NTRK2: variants seen among roughly 807,000 people sequenced by gnomAD.
NTRK2 encodes BDNF/NT-3 growth factors receptor.
A neutral mutation model predicts 94.5 loss-of-function variants in NTRK2; 13 were observed. That is an observed-to-expected ratio of 0.14 (90% CI 0.09 to 0.22). The LOEUF is 0.22. Ranked by LOEUF, NTRK2 falls within the 10% of genes least tolerant of loss-of-function variation. The pLI is 1.00. For missense variants in NTRK2, 639 were observed against 1,071.2 expected (o/e 0.60, Z 5.63); for synonymous variants, 372 against 407.4 (o/e 0.91, Z 1.05).
chr9:84,955,339 C>A lies in NTRK2; in HGVS notation c.1994C>A (p.Thr665Lys). 6.2e-7 allele frequency: 1 copy of A among 1,612,308 alleles called. No homozygotes were observed. The change falls in exon 17 of 19, where the codon ACG (threonine) becomes AAG (lysine). Residue 665 changes from threonine (T) to lysine (K), a missense_variant. Physicochemically the swap from Thr to Lys is moderately conservative, Grantham distance 78 (BLOSUM62 -1). This residue lies in a region of NTRK2 where 343 missense variants were observed against 571.5 expected (regional missense o/e 0.60). Coordinates refer to ENST00000277120, the MANE Select transcript of NTRK2 (RefSeq NM_006180.6). ...GAGGGCAACCCGCCCACGGAACTGA[C>A]GCAGTCGCAGATGCTGCATATAGCC... ...MAEGNPPTEL[T>K]QSQMLHIAQQ...
chr9:85,014,357 G>A lies in NTRK2; in HGVS notation c.2173-5849G>A, dbSNP rs569154155. Among the ~76,000 whole-genome samples the A allele has an allele frequency of 2.6e-5, 4 of 152,330 alleles. No homozygotes were observed. In the South Asian group the frequency reaches 8.3e-4, roughly 32 times the overall value. ...GTCTCCACGTATACCTGGAAAACGA[G>A]TGGTGCATTCCTCGTTAACGTGTGC... On this transcript the variant is annotated intron_variant, in intron 17 of 18. Coordinates refer to ENST00000277120, the MANE Select transcript of NTRK2 (RefSeq NM_006180.6).
chr9:84,797,203 C>T (rs1192851975), intron 12 of NTRK2, among the ~76,000 whole-genome samples: 1 of 151,996 alleles, frequency 6.6e-6, no homozygotes, highest in African/African-American at 2.4e-5. Context: ...CAAATTACAG[C>T]CCCTGGGCCA....
At chr9:84,891,981 A>G (rs1293161760) in intron 14 of NTRK2, among the ~76,000 whole-genome samples, 1 of 152,066 alleles carries the variant, frequency 6.6e-6, no homozygotes, top group African/African-American at 2.4e-5. Context: ...GATATAGGCT[A>G]GGAGAGCTGC....
chr9:84,991,921 C>G (rs1181197878), intron 17 of NTRK2, among the ~76,000 whole-genome samples: 2 of 152,050 alleles, frequency 1.3e-5, no homozygotes, highest in Non-Finnish European at 2.9e-5. Context: ...TGGCCTCAGT[C>G]CAGGGAGGAG....
intron 12 of NTRK2, among the ~76,000 whole-genome samples, chr9:84,836,934 G>GTATAATATAATATAATATAATATAA (rs56390905): frequency 3.7e-4 from 50 of 134,196 alleles, no homozygotes; most frequent in East Asian, 8.9e-4. Flanking sequence ...TTGTCGTAGA[G>GTATAATATAATATAATATAATATAA]TATAATATAA....
At chr9:84,739,405 A>G (rs2063482873) in intron 9 of NTRK2, among the ~76,000 whole-genome samples, 2 of 152,174 alleles carry the variant, frequency 1.3e-5, no homozygotes, top group Admixed American at 6.5e-5. Flanking sequence ...TGGACCCCAA[A>G]TCCCATTTTT....
chr9:84,888,982 ATTTTTTTTT>A lies in NTRK2; in HGVS notation c.1633+21569_1633+21577del, dbSNP rs71369159. On this transcript the variant is annotated intron_variant, in intron 14 of 18. Coordinates refer to ENST00000277120, the MANE Select transcript of NTRK2 (RefSeq NM_006180.6). ...TCCCCATTATTTATTAATGACAGAAATTTTTTTTTTTTTTTTTTTTTTTTTTGAGACGGA... is the reference window on the plus strand; with the variant it reads ...TCCCCATTATTTATTAATGACAGAAATTTTTTTTTTTTTTTTTGAGACGGA... Among the ~76,000 whole-genome samples the A allele has an allele frequency of 3.1e-4, 32 of 101,716 alleles. 3 individuals are homozygous for A. In the East Asian group the frequency reaches 6.3e-3, roughly 20 times the overall value. 66.7% of individuals were successfully genotyped at this position (101,716 alleles called of 152,430 possible). A position where few individuals can be genotyped will look rare whatever the true frequency, so the allele number is the denominator to read the frequency against.
rs567239334 is a variant in NTRK2 at position 84,811,805 on chromosome 9, T to C, written c.1397-49235T>C. 4.7e-6 allele frequency: 5 copies of C among 1,065,552 alleles called. No individual in the cohort carries two copies. The South Asian group carries it at 1.4e-4, about 29-fold the overall frequency. The allele number at this position is 1,065,552 out of a possible 1,614,324, so 66.0% of individuals were successfully genotyped here. On this transcript the variant is annotated intron_variant, in intron 12 of 18. Coordinates refer to ENST00000277120, the MANE Select transcript of NTRK2 (RefSeq NM_006180.6). ...CTGCATCCCCCCTGAGTCTGACCCA[T>C]GGACACCTGTTTCATTCACTTTAGC...
chr9:84,765,925 T>G (rs2065984310), intron 12 of NTRK2, among the ~76,000 whole-genome samples: 1 of 152,156 alleles, frequency 6.6e-6, no homozygotes, highest in African/African-American at 2.4e-5. Context: ...AATTAAAAAA[T>G]ATGGTTTAAA....
At chr9:84,669,353 G>A (rs901664328), upstream of NTRK2, 2 of 152,666 alleles carry the variant, frequency 1.3e-5, no homozygotes, top group African/African-American at 2.4e-5. This position sits in a 1 kb window ranked among gnomAD's most constrained non-coding sequence, Gnocchi z 4.1. Context: ...CCTCTACCGC[G>A]ATTGTAGAAG....
At chr9:84,922,161 A>G (rs1424411945) in intron 14 of NTRK2, among the ~76,000 whole-genome samples, 1 of 152,198 alleles carries the variant, frequency 6.6e-6, no homozygotes, top group Non-Finnish European at 1.5e-5. Context: ...TTCAACCGAA[A>G]TAGTTTTCAG....
intron 12 of NTRK2, among the ~76,000 whole-genome samples, chr9:84,771,919 A>G (rs550604529): frequency 6.6e-6 from 1 of 152,214 alleles, no homozygotes; most frequent in Non-Finnish European, 1.5e-5. Context: ...TGAAATGGTA[A>G]AGAGTAAAAT....
intron 12 of NTRK2, chr9:84,814,266 G>A (rs2133604868): frequency 1.9e-6 from 2 of 1,065,476 alleles, no homozygotes; most frequent in East Asian, 5.0e-5. Flanking sequence ...GAGGCTTGGA[G>A]CATCTCCTCA....
intron 5 of NTRK2, 103 bp downstream of exon 5, chr9:84,708,015 C>A: frequency 2.3e-6 from 2 of 875,012 alleles, no homozygotes; most frequent in South Asian, 1.5e-5. Flanking sequence ...ATTTTTATAC[C>A]AAATTCTCAA....
intron 17 of NTRK2, among the ~76,000 whole-genome samples, chr9:85,015,887 G>C (rs1439958988): frequency 1.3e-5 from 2 of 152,174 alleles, no homozygotes. Context: ...GTGGAGACTG[G>C]AGAAAGCAGA....
intron 14 of NTRK2, among the ~76,000 whole-genome samples, chr9:84,885,224 T>C (rs1177704383): frequency 6.6e-6 from 1 of 152,192 alleles, no homozygotes; most frequent in African/African-American, 2.4e-5. Flanking sequence ...TAGCATGGCT[T>C]CACTAATCAG....
chr9:84,685,643 C>T (rs149572483), intron 2 of NTRK2, among the ~76,000 whole-genome samples: 2 of 152,174 alleles, frequency 1.3e-5, no homozygotes, highest in African/African-American at 4.8e-5. Flanking sequence ...TGCCATGATA[C>T]AGCCACTCTG....
intron 9 of NTRK2, among the ~76,000 whole-genome samples, chr9:84,737,747 T>C (rs1372326787): frequency 6.8e-6 from 1 of 147,966 alleles, no homozygotes; most frequent in Non-Finnish European, 1.5e-5. Flanking sequence ...TGTACCCAGC[T>C]AATAAGCATG....
At chr9:84,967,962 T>C (rs913264098) in intron 17 of NTRK2, among the ~76,000 whole-genome samples, 1 of 152,152 alleles carries the variant, frequency 6.6e-6, no homozygotes, top group Non-Finnish European at 1.5e-5. Context: ...TGAATTTCTT[T>C]CTGGAAAACT....
Sources: gnomAD v4.1 joint callset for allele counts (sites outside exome capture counted in the v4.1 genomes callset) on GRCh38, gnomAD v4.1.1 for gene constraint, gnomAD v4.1.1 regional missense constraint, Gnocchi (gnomAD v3.1) non-coding constraint, MANE v1.5 for transcripts, NCBI Gene and HGNC (gene_info 2026-07-23, HGNC 2026-07-21) for gene names.